Variants in TCF20 observed in about 807,000 individuals in gnomAD.
TCF20 encodes SPRE-binding protein.
Under a neutral mutation model 148.6 loss-of-function variants are expected in TCF20, and 3 were observed. The observed-to-expected ratio is 0.02, with a 90% CI of 0.01 to 0.05. The LOEUF (loss-of-function observed/expected upper bound fraction) is 0.05, where lower values mean the gene tolerates loss of function less well. TCF20 is among the 10% of genes least tolerant of loss of function. The pLI is 1.00. For synonymous variants in TCF20, 1,049 were observed against 909.5 expected (o/e 1.15, Z -2.76); for missense variants, 2,350 against 2,429.3 (o/e 0.97, Z 0.69).
intron 1 of TCF20, among the ~76,000 whole-genome samples, chr22:42,219,205 A>T (rs1229831226): frequency 2.7e-5 from 4 of 150,852 alleles, no homozygotes; most frequent in Admixed American, 6.6e-5. Flanking sequence ...GTTAAAAAAA[A>T]TTTTAAATGC....
Position 42,335,250 on chromosome 22 carries a change from C to A in TCF20, c.-37+8229G>T, listed in dbSNP as rs957544339. On this transcript the variant is annotated intron_variant, in intron 1 of 1. Transcript: ENST00000515426. ...CCCCGCACACCTCCCATGGCTGGCA[C>A]CTTCTCCTGCCCCTGATAAAGGCTC... 2.6e-5 allele frequency among the ~76,000 whole-genome samples: 4 copies of A among 152,112 alleles called. No individual in the cohort carries two copies. In the East Asian group the frequency reaches 7.7e-4, roughly 29 times the overall value.
At chr22:42,245,000 T>C (rs1256800208) in intron 1 of TCF20, among the ~76,000 whole-genome samples, 1 of 152,034 alleles carries the variant, frequency 6.6e-6, no homozygotes, top group African/African-American at 2.4e-5. Context: ...CAAGATTTGC[T>C]TCAGCCTGGG....
At chr22:42,231,478 T>C (rs1923391694) in intron 1 of TCF20, among the ~76,000 whole-genome samples, 1 of 152,068 alleles carries the variant, frequency 6.6e-6, no homozygotes, top group African/African-American at 2.4e-5. Flanking sequence ...AGACCTTATC[T>C]CTAAGAGTAA....
intron 1 of TCF20, among the ~76,000 whole-genome samples, chr22:42,281,280 C>T (rs1391197592): frequency 6.6e-6 from 1 of 152,184 alleles, no homozygotes; most frequent in Non-Finnish European, 1.5e-5. Flanking sequence ...GAGAGGCTGG[C>T]TTGGGAGCAG....
intron 1 of TCF20, among the ~76,000 whole-genome samples, chr22:42,244,335 C>T (rs1601652179): frequency 6.6e-6 from 1 of 152,186 alleles, no homozygotes; most frequent in East Asian, 1.9e-4. Context: ...GATATACACA[C>T]ATGTTCATAG....
rs189500205 is a variant in TCF20, at chr22:42,250,300, C to T, written c.-37+20039G>A. Reference sequence around the variant, plus strand: ...CAAAAATTAATAATACAAAAATTAGCCAGGCGTGGTGGCGGGGCGCCTGTA... The same window carrying T: ...CAAAAATTAATAATACAAAAATTAGTCAGGCGTGGTGGCGGGGCGCCTGTA... On this transcript the variant is annotated intron_variant, in intron 1 of 5. Transcript: ENST00000677622. 2.0e-4 allele frequency among the ~76,000 whole-genome samples: 31 copies of T among 152,072 alleles called. No homozygotes were observed. The East Asian group carries it at 6.0e-3, about 29-fold the overall frequency.
At chr22:42,165,866 C>T (rs1267023425) in intron 5 of TCF20, among the ~76,000 whole-genome samples, 1 of 152,240 alleles carries the variant, frequency 6.6e-6, no homozygotes, top group Admixed American at 6.5e-5. Flanking sequence ...GTAGTCTGAT[C>T]TTAGTCACAC....
chr22:42,215,780 A>T (rs985845806), intron 1 of TCF20, among the ~76,000 whole-genome samples: 3 of 152,088 alleles, frequency 2.0e-5, no homozygotes, highest in Non-Finnish European at 4.4e-5. Context: ...CTTGAATTTC[A>T]TCTTTTATAT....
At chr22:42,318,827 G>T (rs115989491) in intron 1 of TCF20, among the ~76,000 whole-genome samples, 418 of 152,320 alleles carry the variant, frequency 2.7e-3, no homozygotes, top group African/African-American at 9.7e-3. Context: ...ATGGGGGTGG[G>T]GGGCACTGGC....
At chr22:42,167,320 A>T (rs984363135) in intron 5 of TCF20, among the ~76,000 whole-genome samples, 2 of 152,240 alleles carry the variant, frequency 1.3e-5, no homozygotes, top group African/African-American at 2.4e-5. Context: ...AGTAGTGGTA[A>T]CAAGGAGGAG....
chr22:42,195,828 T>G (rs1000046880), intron 2 of TCF20, among the ~76,000 whole-genome samples: 2 of 152,196 alleles, frequency 1.3e-5, no homozygotes, highest in Non-Finnish European at 2.9e-5. Flanking sequence ...AACATACATA[T>G]TTAAATGGCA....
In TCF20 at chr22:42,297,197, T is replaced by A. The variant is rs1927252200; in HGVS notation, c.-37+46282A>T. On this transcript the variant is annotated intron_variant, in intron 1 of 1. Transcript: ENST00000515426. This position sits in a 1 kb window ranked among gnomAD's most constrained non-coding sequence, Gnocchi z 4.3. ...GCTGGGCGACCTTGGGCAAGGAGGC[T>A]GCCCATCTGGAAAATGGGCATGATC... Among the ~76,000 whole-genome samples the A allele has an allele frequency of 1.3e-5, 2 of 152,178 alleles. No individual in the cohort carries two copies. Among genetic ancestry groups the A allele is most frequent in the Admixed American group, 1.3e-4 (2 of 15,284 alleles).
intron 1 of TCF20, among the ~76,000 whole-genome samples, chr22:42,246,071 C>CT (rs1924877195): frequency 6.6e-6 from 1 of 152,172 alleles, no homozygotes; most frequent in South Asian, 2.1e-4. Context: ...TTCTTCTACT[C>CT]TAAAATACTA....
chr22:42,290,177 C>T lies in TCF20; in HGVS notation c.-37+53302G>A, dbSNP rs748089725. On this transcript the variant is annotated intron_variant, in intron 1 of 1. Transcript: ENST00000515426. The surrounding 1 kb of genome is among the most constrained non-coding windows in gnomAD (Gnocchi z 4.2). ...CCCCAATCCTTGCTGGGGGCCAGGG[C>T]CAGAGGTGGGCCAGAGCCTGCAGCA... Among the ~76,000 whole-genome samples, 11 of 152,010 alleles carry T rather than the reference C, an allele frequency of 7.2e-5. No homozygotes were observed. Among genetic ancestry groups the T allele is most frequent in the Non-Finnish European group, 8.8e-5 (6 of 67,988 alleles).
intron 2 of TCF20, among the ~76,000 whole-genome samples, chr22:42,185,981 A>G (rs1440345595): frequency 6.6e-6 from 1 of 152,176 alleles, no homozygotes; most frequent in Admixed American, 6.5e-5. Context: ...AGTGCTACTC[A>G]AGTTATGGTA....
chr22:42,339,442 A>G (rs886698824), intron 1 of TCF20, among the ~76,000 whole-genome samples: 3 of 152,140 alleles, frequency 2.0e-5, no homozygotes, highest in Non-Finnish European at 2.9e-5. Context: ...GTTGAAGGAA[A>G]GATCTGGGGC....
chr22:42,295,104 G>A (rs551287613), intron 1 of TCF20, among the ~76,000 whole-genome samples: 15 of 152,346 alleles, frequency 9.8e-5, no homozygotes, highest in African/African-American at 1.4e-4. Flanking sequence ...AGATGACAGC[G>A]TGGGGGGCAG....
At chr22:42,201,776 A>C (rs1162288868) in intron 2 of TCF20, among the ~76,000 whole-genome samples, 2 of 152,088 alleles carry the variant, frequency 1.3e-5, no homozygotes, top group Non-Finnish European at 2.9e-5. Context: ...TCAAAAAAAA[A>C]ACAAAACCAA....
chr22:42,200,121 C>T (rs1489322612), intron 2 of TCF20, among the ~76,000 whole-genome samples: 1 of 152,152 alleles, frequency 6.6e-6, no homozygotes, highest in Non-Finnish European at 1.5e-5. Flanking sequence ...CTAGTGTTGA[C>T]TTATCTAAAC....
Sources: gnomAD v4.1 joint callset for allele counts (sites outside exome capture counted in the v4.1 genomes callset) on GRCh38, gnomAD v4.1.1 for gene constraint, Gnocchi (gnomAD v3.1) non-coding constraint, MANE v1.5 for transcripts, NCBI Gene and HGNC (gene_info 2026-07-23, HGNC 2026-07-21) for gene names.